The following TRPV3 variants were observed in gnomAD, a reference collection of about 807,000 sequenced individuals.
TRPV3 encodes the protein transient receptor potential cation channel subfamily V member 3.
A neutral mutation model predicts 87.1 loss-of-function variants in TRPV3; 88 were observed. That is an observed-to-expected ratio of 1.01 (90% CI 0.85 to 1.21). The LOEUF is 1.21. TRPV3 is among the 50% of genes most tolerant of loss of function. The pLI, the probability that TRPV3 is intolerant of heterozygous loss-of-function variation, is 0.00. For synonymous variants in TRPV3, 438 were observed against 423.3 expected, an observed-to-expected ratio of 1.03 and a Z score of -0.43; for missense variants, 1,054 against 1,030.1, an observed-to-expected ratio of 1.02 and a Z score of -0.32.
At chr17:3,537,277 A>G (rs79228679) in intron 6 of TRPV3, among the ~76,000 whole-genome samples, 6,519 of 152,258 alleles carry the variant, frequency 0.043, 501 homozygotes, top group African/African-American at 0.15. Context: ...TATTTGGCAT[A>G]AGAAATGCTC....
chr17:3,521,180 C>G (rs1241079470), intron 13 of TRPV3, 141 bp from the exon 14 acceptor site: 3 of 466,820 alleles, frequency 6.4e-6, no homozygotes, highest in Non-Finnish European at 1.2e-5. Flanking sequence ...CCAGCCAAAT[C>G]CTCCTGATGC....
At chr17:3,543,380 C>T (rs2074487621) in intron 5 of TRPV3, 94 bp downstream of exon 5, 1 of 1,508,924 alleles carries the variant, frequency 6.6e-7, no homozygotes, top group Non-Finnish European at 9.0e-7. Context: ...CCTCACACTC[C>T]AGCCTCATGG....
Position 3,528,847 on chromosome 17 carries a change from C to CG in TRPV3, c.1390dup (p.Arg464ProfsTer123). 1.2e-6 allele frequency: 2 copies of CG among 1,614,174 alleles called. No individual in the cohort carries two copies. Among genetic ancestry groups the CG allele is most frequent in the Non-Finnish European group, 1.7e-6 (2 of 1,180,008 alleles). Reference sequence around the variant, plus strand: ...AAGGGGCCCACGTACCTCCTCCTCCCGGGGGCGGTAGTACGAGACGAGGGT... The same window carrying CG: ...AAGGGGCCCACGTACCTCCTCCTCCCGGGGGGCGGTAGTACGAGACGAGGGT... On this transcript the variant is annotated frameshift_variant, in exon 10 of 18. Transcript: ENST00000576742. LOFTEE classifies it high-confidence loss of function. The surrounding 1 kb of genome is among the most constrained non-coding windows in gnomAD (Gnocchi z 4.2).
chr17:3,554,480 A>G (rs1234861778), intron 2 of TRPV3: 2 of 377,110 alleles, frequency 5.3e-6, no homozygotes, highest in Non-Finnish European at 9.3e-6. Flanking sequence ...CTCCTGCCTC[A>G]GCACCCCCGA....
chr17:3,521,164 C>A, intron 13 of TRPV3, 125 bp from the exon 14 acceptor site: 1 of 480,788 alleles, frequency 2.1e-6, no homozygotes, highest in Non-Finnish European at 3.9e-6. Context: ...GCCACTCTCC[C>A]TTCCCCCAGC....
chr17:3,536,610 A>C (rs1258669084), intron 6 of TRPV3, among the ~76,000 whole-genome samples: 2 of 152,080 alleles, frequency 1.3e-5, no homozygotes, highest in Non-Finnish European at 2.9e-5. Context: ...AAACAAACAA[A>C]AAAATGATGA....
In TRPV3 at chr17:3,511,897, A is replaced by G. The variant is rs2074118238; in HGVS notation, c.*2020T>C. The stretch of plus-strand genomic sequence containing the variant: ...AAGCAATTCTGGAATTCCCAGCTCC[A>G]TAGTGTGGAGCTTGGCATCATGAAT... On this transcript the variant is annotated 3_prime_UTR_variant, in exon 18 of 18. Transcript: ENST00000576742. The G allele has an allele frequency of 1.3e-5, 2 of 152,320 alleles. No homozygotes were observed. Among genetic ancestry groups the G allele is most frequent in the South Asian group, 2.1e-4 (1 of 4,822 alleles). The allele number at this position is 152,320 out of a possible 1,614,324, so 9.4% of individuals were successfully genotyped here.
At chr17:3,531,922 G>A (rs1365496626) in intron 8 of TRPV3, among the ~76,000 whole-genome samples, 1 of 152,184 alleles carries the variant, frequency 6.6e-6, no homozygotes, top group Non-Finnish European at 1.5e-5. Flanking sequence ...TGGCACAGCT[G>A]CGATTACTCA....
chr17:3,530,349 C>A lies in TRPV3; in HGVS notation c.1066-146G>T. 1.4e-6 allele frequency: 1 copy of A among 715,770 alleles called. No individual in the cohort carries two copies. Among genetic ancestry groups the A allele is most frequent in the Non-Finnish European group, 2.2e-6 (1 of 449,348 alleles). The allele number at this position is 715,770 out of a possible 1,614,324, so 44.3% of individuals were successfully genotyped here. Reference sequence around the variant, plus strand: ...GCCTCTGCGCCTGGCGCCATGGCCCCTGGGCCCCGTCTTTATCTGTGGAAT... The same window carrying A: ...GCCTCTGCGCCTGGCGCCATGGCCCATGGGCCCCGTCTTTATCTGTGGAAT... On this transcript the variant is annotated intron_variant, in intron 8 of 17. Transcript: ENST00000576742. This position sits in a 1 kb window ranked among gnomAD's most constrained non-coding sequence, Gnocchi z 4.0.
intron 6 of TRPV3, 90 bp downstream of exon 6, chr17:3,542,432 C>T: frequency 6.9e-7 from 1 of 1,451,422 alleles, no homozygotes; most frequent in Non-Finnish European, 9.3e-7. Flanking sequence ...GCAGCAGTGC[C>T]TCCACGTGGC....
intron 6 of TRPV3, chr17:3,539,710 T>G (rs1404642638): frequency 6.6e-6 from 1 of 151,906 alleles, no homozygotes; most frequent in Non-Finnish European, 1.5e-5. Context: ...TTATATTGAA[T>G]CTGATGATGG....
intron 5 of TRPV3, 74 bp from the exon 6 acceptor site, chr17:3,542,772 G>A: frequency 6.6e-7 from 1 of 1,515,500 alleles, no homozygotes; most frequent in Non-Finnish European, 8.9e-7. Flanking sequence ...AGAGGGTGTG[G>A]TTGCTGCAGC....
At chr17:3,535,500 C>T (rs773289259) in intron 7 of TRPV3, 73 bp downstream of exon 7, 4 of 1,419,936 alleles carry the variant, frequency 2.8e-6, no homozygotes, top group Non-Finnish European at 2.8e-6. Flanking sequence ...CCCTCCTTCC[C>T]CTTCCCTCCC....
rs778185342 is a variant in TRPV3 at position 3,521,083 on chromosome 17, T to C, written c.1744-44A>G. 1.5e-5 allele frequency: 19 copies of C among 1,298,290 alleles called. No homozygotes were observed. The South Asian group carries it at 2.2e-4, about 15-fold the overall frequency. The allele number at this position is 1,298,290 out of a possible 1,614,324, so 80.4% of individuals were successfully genotyped here. On this transcript the variant is annotated intron_variant, in intron 13 of 17. Transcript: ENST00000576742. ...AATTCAAGTGTAAGGTGCAAGCACA[T>C]ATTCACGGCACCCTGATCTTCCTGC...
Position 3,542,625 on chromosome 17 carries a change from G to T in TRPV3, c.540C>A (p.Asn180Lys), listed in dbSNP as rs137894635. ...TCLMKALLNI[N>K]PNTKEIVRIL... ...TCCGCACTATCTCCTTGGTGTTGGG[G>T]TTGATGTTTAACAAGGCCTTCATCA... is the stretch of plus-strand genomic sequence containing the variant. Residue 180 changes from asparagine to lysine, a missense_variant, in exon 6 of 18, where the codon AAC becomes AAA. Asn to Lys is a moderately conservative substitution (Grantham distance 94). Transcript: ENST00000576742. 376 of 1,613,914 alleles carry T rather than the reference G, an allele frequency of 2.3e-4. No individual in the cohort carries two copies. Among genetic ancestry groups the T allele is most frequent in the Non-Finnish European group, 3.1e-4 (363 of 1,179,952 alleles).
chr17:3,529,978 G>T (rs773115296), intron 9 of TRPV3, 49 bp downstream of exon 9: 2 of 1,571,640 alleles, frequency 1.3e-6, no homozygotes, highest in Non-Finnish European at 8.7e-7. Context: ...CCTGGCCTGA[G>T]GTCCAGCCCT....
chr17:3,553,292 C>G (rs2074596502), intron 2 of TRPV3: 1 of 152,872 alleles, frequency 6.5e-6, no homozygotes, highest in East Asian at 1.9e-4. Context: ...CTGCTGTCAG[C>G]CTCTCCTCTA....
At position 3,551,239 on chromosome 17, in the gene TRPV3, G is replaced by A. The variant is rs551194427; in HGVS notation, c.119+3493C>T. Reference sequence around the variant, plus strand: ...TGTGAGAAGACAGTGATAAGCGCAGGGCTGGGGAGGACCCCAACTGTTGGG... The same window carrying A: ...TGTGAGAAGACAGTGATAAGCGCAGAGCTGGGGAGGACCCCAACTGTTGGG... On this transcript the variant is annotated intron_variant, in intron 2 of 17. Coordinates refer to ENST00000576742, the MANE Select transcript of TRPV3 (RefSeq NM_145068.4). 6.6e-5 allele frequency among the ~76,000 whole-genome samples: 10 copies of A among 152,348 alleles called. No homozygotes were observed. The East Asian group carries it at 1.9e-3, about 29-fold the overall frequency.
chr17:3,553,669 G>T (rs978105018), intron 2 of TRPV3: 2 of 152,376 alleles, frequency 1.3e-5, no homozygotes, highest in African/African-American at 4.8e-5. Context: ...AGGCCCCACG[G>T]GGCTAGTTCA....
Sources: allele counts gnomAD v4.1 joint callset (sites outside exome capture counted in the v4.1 genomes callset), GRCh38; gene constraint gnomAD v4.1.1; non-coding constraint Gnocchi (gnomAD v3.1); transcripts MANE v1.5; gene names NCBI Gene and HGNC (gene_info 2026-07-23, HGNC 2026-07-21).